ABCA12: variants seen among roughly 807,000 people sequenced by gnomAD.
ABCA12 encodes ATP binding cassette subfamily A member 12.
A neutral mutation model predicts 293.5 loss-of-function variants in ABCA12; 156 were observed. The ratio of observed to expected loss-of-function variants is 0.53; its 90% CI spans 0.47 to 0.61. The LOEUF is 0.61. Ranked by LOEUF, ABCA12 falls within the 20% of genes least tolerant of loss-of-function variation. The probability of loss-of-function intolerance (pLI) is 0.00; values close to 1 mark genes in which losing one functional copy is unlikely to be tolerated. For missense variants in ABCA12, 2,797 were observed against 3,090.2 expected, an observed-to-expected ratio of 0.91 and a Z score of 2.25; for synonymous variants, 1,063 against 1,108.0, an observed-to-expected ratio of 0.96 and a Z score of 0.81.
rs1382150176 is a variant in ABCA12, at chr2:214,997,917, C to T, written c.3180-108G>A. On this transcript the variant is annotated intron_variant, in intron 22 of 52. Coordinates refer to ENST00000272895, the MANE Select transcript of ABCA12 (RefSeq NM_173076.3). ...CTCTCTCTTACATTGAACTTATGAT[C>T]GTGTTTTGAAATTGAAAATAATCGG... The T allele has an allele frequency of 2.5e-5, 18 of 721,472 alleles. 1 individual carries two copies. Among genetic ancestry groups the T allele is most frequent in the Admixed American group, 1.9e-4 (8 of 42,162 alleles). 44.7% of individuals were successfully genotyped at this position (721,472 alleles called of 1,614,324 possible).
chr2:214,958,256 T>C (rs1180079035), intron 41 of ABCA12, 21 bp downstream of exon 41: 2 of 1,613,768 alleles, frequency 1.2e-6, no homozygotes, highest in Admixed American at 3.3e-5. Context: ...TTCCCTGCAA[T>C]GAAGGACATA....
rs1046805512 is a variant in ABCA12 at position 214,932,359 on chromosome 2, G to T, written c.*275C>A. ...AATAAATTAAGATATTCATCTTGAG[G>T]TGGCTTCACCTTTGCATAAGAATCA... is the stretch of plus-strand genomic sequence containing the variant. On this transcript the variant is annotated 3_prime_UTR_variant, in exon 53 of 53. Coordinates refer to ENST00000272895, the MANE Select transcript of ABCA12 (RefSeq NM_173076.3). 25 of 381,664 alleles carry T rather than the reference G, an allele frequency of 6.6e-5. No individual in the cohort carries two copies. The highest frequency in any genetic ancestry group is 6.7e-5 in the Non-Finnish European group (14 of 209,566). 23.6% of individuals were successfully genotyped at this position (381,664 alleles called of 1,614,324 possible). A position where few individuals can be genotyped will look rare whatever the true frequency, so the allele number is the denominator to read the frequency against.
chr2:215,015,540 T>A lies in ABCA12; in HGVS notation c.1906A>T (p.Ile636Phe). ...AAGTAGTGCAGAAGGGTGAGTCCGA[T>A]GAGGTAAGACTGCCGGGATCTCTCT... ...LSERSRQSYL[I>F]GLTLLHYLNI... Residue 636 changes from isoleucine to phenylalanine, a missense_variant, in exon 15 of 53, where the codon ATC (isoleucine) becomes TTC (phenylalanine). Physicochemically the swap from Ile to Phe is conservative, Grantham distance 21. This residue lies in a region of ABCA12 where 2,130 missense variants were observed against 2,427.0 expected (regional missense o/e 0.88). Coordinates refer to ENST00000272895, the MANE Select transcript of ABCA12 (RefSeq NM_173076.3). 2 of 1,614,152 alleles carry A rather than the reference T, an allele frequency of 1.2e-6. No individual in the cohort carries two copies. Among genetic ancestry groups the A allele is most frequent in the Middle Eastern group, 1.6e-4 (1 of 6,062 alleles).
intron 14 of ABCA12, chr2:215,017,534 T>C (rs897185105): frequency 1.0e-4 from 16 of 160,752 alleles, no homozygotes; most frequent in Non-Finnish European, 2.1e-4. Flanking sequence ...TAGTAAGTAG[T>C]CTCCATACAT....
In ABCA12 at chr2:215,049,783, T is replaced by G; in HGVS notation, c.536A>C (p.Asp179Ala). 1 of 1,613,290 alleles carries G rather than the reference T, an allele frequency of 6.2e-7. No individual in the cohort carries two copies. Among genetic ancestry groups the G allele is most frequent in the Admixed American group, 1.7e-5 (1 of 59,944 alleles). Residue 179 changes from aspartate to alanine, a missense_variant, in exon 6 of 53, where the codon GAT becomes GCT. Asp to Ala is a moderately radical substitution (Grantham distance 126). Transcript: ENST00000272895. ...GCTGTCACATAGTTCTCTTCGTATATCTTCTGAAGTTGAATTTTGCTTTAA... is the reference window on the plus strand; with the variant it reads ...GCTGTCACATAGTTCTCTTCGTATAGCTTCTGAAGTTGAATTTTGCTTTAA... ...KLLKQNSTSE[D>A]IRRELCDSYS...
chr2:215,129,312 T>C (rs1398435471), intron 1 of ABCA12, among the ~76,000 whole-genome samples: 2 of 152,224 alleles, frequency 1.3e-5, no homozygotes, highest in Non-Finnish European at 2.9e-5. Context: ...TCAGAAGGTC[T>C]GTGTCTGATC....
intron 14 of ABCA12, among the ~76,000 whole-genome samples, chr2:215,016,862 A>G (rs781165578): frequency 3.1e-4 from 47 of 152,122 alleles, no homozygotes; most frequent in Non-Finnish European, 2.8e-4. Flanking sequence ...AATAAAGAGA[A>G]AAGCGTATAA....
At chr2:215,049,868 A>ATATTC in intron 5 of ABCA12, 57 bp from the exon 6 acceptor site, 1 of 1,490,944 alleles carries the variant, frequency 6.7e-7, no homozygotes, top group Non-Finnish European at 9.2e-7. Flanking sequence ...AGATGTTCAA[A>ATATTC]TATTCTATTC....
At chr2:214,982,773 G>A (rs1699696744) in intron 29 of ABCA12, among the ~76,000 whole-genome samples, 2 of 152,128 alleles carry the variant, frequency 1.3e-5, no homozygotes, top group Non-Finnish European at 2.9e-5. Context: ...AGGAGATTAT[G>A]TTCTAGTAAG....
At chr2:215,103,579 T>A (rs1236178951) in intron 2 of ABCA12, among the ~76,000 whole-genome samples, 1 of 151,908 alleles carries the variant, frequency 6.6e-6, no homozygotes, top group Non-Finnish European at 1.5e-5. Flanking sequence ...CCCTATAACA[T>A]CCCTCAAAAT....
At chr2:215,081,492 A>AAAG (rs1701937502) in intron 2 of ABCA12, among the ~76,000 whole-genome samples, 1 of 54,128 alleles carries the variant, frequency 1.8e-5, no homozygotes. Context: ...AAAAAAAAAA[A>AAAG]GAAAAAGAAA....
intron 2 of ABCA12, among the ~76,000 whole-genome samples, chr2:215,066,546 T>A (rs1356786674): frequency 6.6e-6 from 1 of 152,118 alleles, no homozygotes; most frequent in East Asian, 1.9e-4. Context: ...TGAGAGGAAT[T>A]TGAAGGAATT....
chr2:215,138,545 G>T lies in ABCA12; in HGVS notation c.-337C>A. 1 of 286,850 alleles carries T rather than the reference G, an allele frequency of 3.5e-6. No individual in the cohort carries two copies. The highest frequency in any genetic ancestry group is 6.8e-6 in the Non-Finnish European group (1 of 148,138). 17.8% of individuals were successfully genotyped at this position (286,850 alleles called of 1,614,324 possible). A position where few individuals can be genotyped will look rare whatever the true frequency, so the allele number is the denominator to read the frequency against. ...CTCAAGAGAGAATGAGCATCATTCAGATAATGCCTCACTGAAAAAAAAAAA... is the reference window on the plus strand; with the variant it reads ...CTCAAGAGAGAATGAGCATCATTCATATAATGCCTCACTGAAAAAAAAAAA... On this transcript the variant is annotated 5_prime_UTR_variant, in exon 1 of 53. It adds an upstream start codon to the 5' untranslated region. Coordinates refer to ENST00000272895, the MANE Select transcript of ABCA12 (RefSeq NM_173076.3).
intron 39 of ABCA12, among the ~76,000 whole-genome samples, chr2:214,960,032 G>A (rs1267574034): frequency 6.6e-6 from 1 of 152,118 alleles, no homozygotes; most frequent in Non-Finnish European, 1.5e-5. Flanking sequence ...ATTGTACTAG[G>A]ATGTTAAGGC....
At chr2:215,132,801 T>A (rs1703089609) in intron 1 of ABCA12, among the ~76,000 whole-genome samples, 1 of 152,074 alleles carries the variant, frequency 6.6e-6, no homozygotes, top group Non-Finnish European at 1.5e-5. Context: ...TCTTTTGAGG[T>A]TTCTATTGTG....
intron 50 of ABCA12, among the ~76,000 whole-genome samples, chr2:214,941,650 A>G (rs1432455970): frequency 6.6e-6 from 1 of 152,036 alleles, no homozygotes; most frequent in African/African-American, 2.4e-5. Context: ...GGGTGCATAT[A>G]TATTTAGGAT....
chr2:214,951,831 C>A (rs1045879846), intron 44 of ABCA12, among the ~76,000 whole-genome samples: 2 of 152,078 alleles, frequency 1.3e-5, no homozygotes, highest in African/African-American at 2.4e-5. Flanking sequence ...ATAAGATCTA[C>A]CCTTTTAACA....
At chr2:214,941,191 T>C (rs1193540604) in intron 50 of ABCA12, among the ~76,000 whole-genome samples, 1 of 152,140 alleles carries the variant, frequency 6.6e-6, no homozygotes, top group Non-Finnish European at 1.5e-5. Flanking sequence ...TTCAAAGAAC[T>C]TATTTATTTT....
At chr2:215,071,250 TAAAATAAA>T (rs1701733116) in intron 2 of ABCA12, among the ~76,000 whole-genome samples, 2 of 127,188 alleles carry the variant, frequency 1.6e-5, no homozygotes, top group Admixed American at 1.7e-4. Flanking sequence ...TAAAATAAAA[TAAAATAAA>T]AAATAAATCT....
Sources: gnomAD v4.1 joint callset for allele counts (sites outside exome capture counted in the v4.1 genomes callset) on GRCh38, gnomAD v4.1.1 for gene constraint, gnomAD v4.1.1 regional missense constraint, MANE v1.5 for transcripts, NCBI Gene and HGNC (gene_info 2026-07-23, HGNC 2026-07-21) for gene names.